Variants in ARRB1 observed in about 807,000 individuals in gnomAD.
ARRB1 encodes arrestin beta 1.
ARRB1 carries 21 observed loss-of-function variants against 56.8 expected under a neutral mutation model. The ratio of observed to expected loss-of-function variants is 0.37; its 90% CI spans 0.26 to 0.53. The LOEUF is 0.53. Ranked by LOEUF, ARRB1 falls within the 20% of genes least tolerant of loss-of-function variation. The pLI, the probability that ARRB1 is intolerant of heterozygous loss-of-function variation, is 0.88. For missense variants in ARRB1, 424 were observed against 553.7 expected, an observed-to-expected ratio of 0.77 and a Z score of 2.35; for synonymous variants, 210 against 218.6, an observed-to-expected ratio of 0.96 and a Z score of 0.35.
At chr11:75,349,840 C>T (rs539256706) in intron 1 of ARRB1, among the ~76,000 whole-genome samples, 2 of 152,222 alleles carry the variant, frequency 1.3e-5, no homozygotes, top group East Asian at 1.9e-4. Context: ...GCCGTCCCCC[C>T]CAAAGCCTGG....
At chr11:75,320,886 A>T (rs1020703188) in intron 1 of ARRB1, among the ~76,000 whole-genome samples, 1 of 152,112 alleles carries the variant, frequency 6.6e-6, no homozygotes, top group African/African-American at 2.4e-5. Flanking sequence ...CAAAGCCTTC[A>T]TGGGGGCCTT....
intron 1 of ARRB1, among the ~76,000 whole-genome samples, chr11:75,335,590 C>CAA (rs35137614): frequency 6.2e-4 from 93 of 148,882 alleles, no homozygotes; most frequent in Middle Eastern, 6.9e-3. Flanking sequence ...GTCCCTGTCT[C>CAA]AAAAAAAAAA....
rs895636114 is a variant in ARRB1 at position 75,277,998 on chromosome 11, G to A, written c.619-550C>T. 2.6e-5 allele frequency among the ~76,000 whole-genome samples: 4 copies of A among 152,270 alleles called. No homozygotes were observed. The South Asian group carries it at 8.3e-4, about 31-fold the overall frequency. On this transcript the variant is annotated intron_variant, in intron 8 of 15. Transcript: ENST00000420843. ...ATTCTGTCCACAGAAGGATCTGGAA[G>A]AAGCAGGGAAAGGTGAGGATGGGCT...
intron 3 of ARRB1, 106 bp downstream of exon 3, chr11:75,287,209 C>T (rs1438063700): frequency 8.3e-7 from 1 of 1,199,176 alleles, no homozygotes; most frequent in Non-Finnish European, 1.2e-6. Flanking sequence ...AAGCCATTCA[C>T]CCCCGTTCTT....
At position 75,264,654 on chromosome 11, in the gene ARRB1, A is replaced by G. The variant is rs973995159; in HGVS notation, c.*1509T>C. 6.6e-6 allele frequency: 1 copy of G among 152,164 alleles called. No individual in the cohort carries two copies. Among genetic ancestry groups the G allele is most frequent in the African/African-American group, 2.4e-5 (1 of 41,436 alleles). 9.4% of individuals were successfully genotyped at this position (152,164 alleles called of 1,614,324 possible). A position where few individuals can be genotyped will look rare whatever the true frequency, so the allele number is the denominator to read the frequency against. ...AATCCCCTCTGGAGGCAGAGAGACCAGTCAGCAGCTCTGGCTCTACCCACC... is the reference window on the plus strand; with the variant it reads ...AATCCCCTCTGGAGGCAGAGAGACCGGTCAGCAGCTCTGGCTCTACCCACC... On this transcript the variant is annotated 3_prime_UTR_variant, in exon 16 of 16. Coordinates refer to ENST00000420843, the MANE Select transcript of ARRB1 (RefSeq NM_004041.5).
intron 1 of ARRB1, among the ~76,000 whole-genome samples, chr11:75,342,574 G>A (rs953812253): frequency 1.3e-5 from 2 of 152,110 alleles, no homozygotes; most frequent in South Asian, 4.1e-4. Context: ...CCTCAGGCCG[G>A]GTCAAACCAC....
intron 1 of ARRB1, among the ~76,000 whole-genome samples, chr11:75,350,623 T>G (rs1357442620): frequency 6.6e-6 from 1 of 152,312 alleles, no homozygotes; most frequent in South Asian, 2.1e-4. Context: ...AGAGACTGTT[T>G]CTGAGTATTT....
intron 8 of ARRB1, 73 bp from the exon 9 acceptor site, chr11:75,277,521 C>T (rs1449156720): frequency 8.8e-6 from 12 of 1,363,194 alleles, no homozygotes; most frequent in Non-Finnish European, 1.3e-5. Context: ...GGGAGAAAAG[C>T]CCCCACGCGA....
At chr11:75,303,585 G>C in intron 1 of ARRB1, 1 of 456,194 alleles carries the variant, frequency 2.2e-6, no homozygotes, top group Non-Finnish European at 4.4e-6. Flanking sequence ...CTCTGGGCCT[G>C]GGGCTGTTTT....
chr11:75,320,863 T>C (rs1208295149), intron 1 of ARRB1, among the ~76,000 whole-genome samples: 3 of 152,102 alleles, frequency 2.0e-5, no homozygotes, highest in African/African-American at 7.2e-5. Flanking sequence ...GGGACACACT[T>C]CATTTCCATT....
intron 1 of ARRB1, among the ~76,000 whole-genome samples, chr11:75,304,709 C>T (rs1591952804): frequency 1.3e-5 from 2 of 151,912 alleles, no homozygotes; most frequent in Admixed American, 1.3e-4. Context: ...GCATAATGCA[C>T]ATGTCAGTCC....
At chr11:75,311,312 G>T (rs1227550893) in intron 1 of ARRB1, among the ~76,000 whole-genome samples, 2 of 152,070 alleles carry the variant, frequency 1.3e-5, no homozygotes, top group Admixed American at 6.6e-5. Flanking sequence ...CTCCAGCCTG[G>T]GCAACAAGAG....
At chr11:75,278,219 C>T (rs1305174042) in intron 8 of ARRB1, among the ~76,000 whole-genome samples, 3 of 152,220 alleles carry the variant, frequency 2.0e-5, no homozygotes, top group African/African-American at 4.8e-5. Flanking sequence ...TTCTGCAGGG[C>T]TTGTCGCCCT....
At chr11:75,299,363 T>C (rs1442336584) in intron 1 of ARRB1, among the ~76,000 whole-genome samples, 1 of 151,670 alleles carries the variant, frequency 6.6e-6, no homozygotes, top group East Asian at 1.9e-4. Flanking sequence ...TTTTCTGTTA[T>C]ACAATGAGCA....
intron 1 of ARRB1, among the ~76,000 whole-genome samples, chr11:75,328,031 A>G (rs1947469108): frequency 1.3e-5 from 2 of 152,226 alleles, no homozygotes; most frequent in Admixed American, 6.5e-5. Flanking sequence ...CGCCACTTCT[A>G]TCTAGATCCA....
chr11:75,270,428 G>T (rs1416205953), intron 13 of ARRB1, among the ~76,000 whole-genome samples: 2 of 152,210 alleles, frequency 1.3e-5, no homozygotes, highest in Non-Finnish European at 2.9e-5. Flanking sequence ...AGGAGTTTAA[G>T]ACCAGCCTGG....
chr11:75,289,650 C>T (rs1387248065), intron 2 of ARRB1, among the ~76,000 whole-genome samples: 1 of 152,144 alleles, frequency 6.6e-6, no homozygotes, highest in African/African-American at 2.4e-5. Context: ...AAGGAGGTGA[C>T]GCTAGGGTCC....
chr11:75,312,074 C>A (rs745733054), intron 1 of ARRB1: 10 of 1,289,430 alleles, frequency 7.8e-6, no homozygotes, highest in Non-Finnish European at 1.0e-5. Flanking sequence ...CAGCCTCTCC[C>A]GCTGCAAGTC....
rs533204752 is a variant in ARRB1, at chr11:75,317,754, A to G, written c.21-27715T>C. On this transcript the variant is annotated intron_variant, in intron 1 of 15. Transcript: ENST00000420843. ...CCTGTGCTAAGAGCTGTGCTTAGGC[A>G]TCACACTTAACCCCCATCAGTGCTC... Among the ~76,000 whole-genome samples the G allele has an allele frequency of 7.8e-4, 119 of 152,302 alleles. 1 individual carries two copies. The highest frequency in any genetic ancestry group is 2.8e-3 in the African/African-American group (118 of 41,562).
Sources: allele counts gnomAD v4.1 joint callset (sites outside exome capture counted in the v4.1 genomes callset), GRCh38; gene constraint gnomAD v4.1.1; transcripts MANE v1.5; gene names NCBI Gene and HGNC (gene_info 2026-07-23, HGNC 2026-07-21).